Variants in ANKRD11 observed in about 807,000 individuals in gnomAD.
ANKRD11 encodes ankyrin repeat domain-containing protein 11.
ANKRD11 carries 17 observed loss-of-function variants against 195.7 expected under a neutral mutation model. The ratio of observed to expected loss-of-function variants is 0.09; its 90% CI spans 0.06 to 0.13. ANKRD11 has a LOEUF of 0.13. ANKRD11 is among the 10% of genes least tolerant of loss of function. ANKRD11 has a pLI of 1.00. For synonymous variants in ANKRD11, 1,953 were observed against 1,528.1 expected, an observed-to-expected ratio of 1.28 and a Z score of -6.49; for missense variants, 3,735 against 3,566.1, an observed-to-expected ratio of 1.05 and a Z score of -1.21.
chr16:89,409,667 C>T (rs2930220), intron 2 of ANKRD11, among the ~76,000 whole-genome samples: 1 of 152,122 alleles, frequency 6.6e-6, no homozygotes, highest in Admixed American at 6.6e-5. Context: ...CACACACACA[C>T]GAAAACTGGT....
intron 2 of ANKRD11, among the ~76,000 whole-genome samples, chr16:89,410,167 G>A (rs1490301045): frequency 2.0e-5 from 3 of 152,138 alleles, no homozygotes; most frequent in African/African-American, 7.2e-5. Flanking sequence ...ACAGTTTGCT[G>A]TTCAGCTACA....
intron 3 of ANKRD11, among the ~76,000 whole-genome samples, chr16:89,314,541 C>T (rs890124733): frequency 4.6e-5 from 7 of 152,186 alleles, no homozygotes; most frequent in African/African-American, 1.7e-4. Context: ...CTCTTCCGGC[C>T]TTTCTCGTCT....
chr16:89,421,968 G>A (rs1165605158), intron 1 of ANKRD11, among the ~76,000 whole-genome samples: 2 of 152,266 alleles, frequency 1.3e-5, no homozygotes, highest in East Asian at 1.9e-4. Flanking sequence ...TCGGCTACAC[G>A]CATTCTGTGT....
At chr16:89,449,135 G>C (rs1388360979) in intron 1 of ANKRD11, among the ~76,000 whole-genome samples, 2 of 149,790 alleles carry the variant, frequency 1.3e-5, no homozygotes, top group Non-Finnish European at 3.0e-5. Context: ...AGGATTGCTT[G>C]AGCCCAGGAA....
At chr16:89,346,322 T>C (rs972911967) in intron 2 of ANKRD11, among the ~76,000 whole-genome samples, 8 of 149,468 alleles carry the variant, frequency 5.4e-5, no homozygotes, top group African/African-American at 1.7e-4. Context: ...GATATTAAAG[T>C]GCCTTTCAGT....
chr16:89,441,454 AG>A (rs1367952131), intron 1 of ANKRD11, among the ~76,000 whole-genome samples: 1 of 152,008 alleles, frequency 6.6e-6, no homozygotes, highest in Non-Finnish European at 1.5e-5. Flanking sequence ...AAAAAACTTC[AG>A]AAAAAGAATT....
At chr16:89,484,657 A>G (rs2057547118) in intron 1 of ANKRD11, among the ~76,000 whole-genome samples, 1 of 152,220 alleles carries the variant, frequency 6.6e-6, no homozygotes, top group Admixed American at 6.5e-5. Flanking sequence ...ATAACCTCTG[A>G]TATCATAAAG....
At chr16:89,374,957 T>C (rs2040355578) in intron 2 of ANKRD11, among the ~76,000 whole-genome samples, 1 of 152,170 alleles carries the variant, frequency 6.6e-6, no homozygotes. Context: ...ATGTCATGAA[T>C]GTACAAAATA....
At chr16:89,344,677 G>A (rs2038855305) in intron 2 of ANKRD11, among the ~76,000 whole-genome samples, 1 of 152,182 alleles carries the variant, frequency 6.6e-6, no homozygotes, top group Non-Finnish European at 1.5e-5. Context: ...CATGCATGCT[G>A]GGAGCTGCCG....
chr16:89,460,844 A>G (rs2056628520), intron 1 of ANKRD11, among the ~76,000 whole-genome samples: 2 of 152,226 alleles, frequency 1.3e-5, no homozygotes, highest in Admixed American at 6.5e-5. Context: ...CCACAGGAAC[A>G]AACTGATCCA....
chr16:89,314,097 T>C (rs2036788769), intron 3 of ANKRD11, among the ~76,000 whole-genome samples: 1 of 152,026 alleles, frequency 6.6e-6, no homozygotes, highest in African/African-American at 2.4e-5. Flanking sequence ...AGCGGTCTGC[T>C]CCTGTGGTCC....
intron 1 of ANKRD11, among the ~76,000 whole-genome samples, chr16:89,445,150 T>C (rs959847875): frequency 6.6e-6 from 1 of 152,226 alleles, no homozygotes; most frequent in Non-Finnish European, 1.5e-5. Flanking sequence ...AGGAGGCAAA[T>C]GTTAACGGCT....
chr16:89,483,921 T>C (rs1173003909), intron 1 of ANKRD11, among the ~76,000 whole-genome samples: 2 of 151,954 alleles, frequency 1.3e-5, no homozygotes, highest in African/African-American at 2.4e-5. Context: ...GTAACAAAAA[T>C]ATCTATGTAT....
At chr16:89,464,413 C>A (rs2056810996) in intron 1 of ANKRD11, among the ~76,000 whole-genome samples, 1 of 151,886 alleles carries the variant, frequency 6.6e-6, no homozygotes, top group Admixed American at 6.6e-5. Context: ...TCAAGACCAG[C>A]CAGGCCAACA....
At chr16:89,462,637 C>T (rs531815102) in intron 1 of ANKRD11, among the ~76,000 whole-genome samples, 3 of 151,840 alleles carry the variant, frequency 2.0e-5, no homozygotes, top group Non-Finnish European at 2.9e-5. Flanking sequence ...CACCTCTTCC[C>T]GGCCGCCATC....
chr16:89,278,204 A>G, intron 9 of ANKRD11: 1 of 310,200 alleles, frequency 3.2e-6, no homozygotes, highest in Non-Finnish European at 6.3e-6. Context: ...TGAGAACAGG[A>G]GGGCAGGGGA....
chr16:89,344,091 C>CG (rs1567677020), intron 2 of ANKRD11, among the ~76,000 whole-genome samples: 2 of 152,292 alleles, frequency 1.3e-5, no homozygotes, highest in East Asian at 3.9e-4. Flanking sequence ...CAGGACTTCC[C>CG]GGGCCTCAAT....
At chr16:89,325,651 G>A (rs370407372) in intron 2 of ANKRD11, among the ~76,000 whole-genome samples, 4 of 152,220 alleles carry the variant, frequency 2.6e-5, no homozygotes, top group Non-Finnish European at 4.4e-5. Flanking sequence ...ACGGTGAAAC[G>A]GGTTCTAAGT....
At chr16:89,410,779 T>C (rs766142057) in intron 2 of ANKRD11, among the ~76,000 whole-genome samples, 16 of 152,230 alleles carry the variant, frequency 1.1e-4, no homozygotes, top group South Asian at 2.1e-4. Context: ...TATTTTCCCA[T>C]GCCCAGGCAG....
Sources: gnomAD v4.1 joint callset for allele counts (sites outside exome capture counted in the v4.1 genomes callset) on GRCh38, gnomAD v4.1.1 for gene constraint, MANE v1.5 for transcripts, NCBI Gene and HGNC (gene_info 2026-07-23, HGNC 2026-07-21) for gene names.